The following SMPD4 variants were observed in gnomAD, a reference collection of about 807,000 sequenced individuals.
SMPD4 encodes the protein sphingomyelin phosphodiesterase 4.
In SMPD4, 58 loss-of-function variants were observed where a neutral mutation model predicts 97.8. That is an observed-to-expected ratio of 0.59 (90% CI 0.48 to 0.74). The LOEUF is 0.74. Ranked by LOEUF, SMPD4 falls within the 30% of genes least tolerant of loss-of-function variation. The pLI is 0.00. For missense variants in SMPD4, 853 were observed against 1,080.5 expected (o/e 0.79, Z 2.95); for synonymous variants, 388 against 450.0 (o/e 0.86, Z 1.74).
At chr2:130,155,300 G>A (rs1686667852) in intron 14 of SMPD4, 41 bp from the exon 15 acceptor site, 1 of 1,611,770 alleles carries the variant, frequency 6.2e-7, no homozygotes, top group Admixed American at 1.7e-5. Flanking sequence ...CCTTCCAACT[G>A]GAAGCATGCC....
chr2:130,156,512 T>C (rs1205585777), intron 13 of SMPD4, 73 bp downstream of exon 13: 3 of 1,426,920 alleles, frequency 2.1e-6, no homozygotes, highest in African/African-American at 2.8e-5. Flanking sequence ...TCCTCCTTTA[T>C]CTGCCCCAAA....
chr2:130,172,441 G>A lies in SMPD4; in HGVS notation c.567C>T (p.Asp189=), dbSNP rs757001407. Residue 189 remains aspartate, a synonymous_variant, in exon 8 of 20, where the codon GAC becomes GAT. Transcript: ENST00000680298. ...TGGGCAGGAACCATGACAGGTACCT[G>A]TCCACCAGGATGAAATAGGCACAGT... is the stretch of plus-strand genomic sequence containing the variant. The part of the protein sequence containing the change: ...TSDCAYFILV[D]RYLSWFLPTE... 6.2e-7 allele frequency: 1 copy of A among 1,612,406 alleles called. No homozygotes were observed. The highest frequency in any genetic ancestry group is 8.5e-7 in the Non-Finnish European group (1 of 1,179,252).
intron 10 of SMPD4, 67 bp downstream of exon 10, chr2:130,164,307 C>T: frequency 7.3e-7 from 1 of 1,371,698 alleles, no homozygotes; most frequent in Non-Finnish European, 1.0e-6. Context: ...CACTCAGAGG[C>T]AGGATAAGAA....
intron 9 of SMPD4, among the ~76,000 whole-genome samples, chr2:130,166,590 A>T (rs1345065953): frequency 6.6e-6 from 1 of 152,222 alleles, no homozygotes; most frequent in African/African-American, 2.4e-5. Context: ...GGGAGATAGA[A>T]TCCTATCTTA....
At position 130,161,220 on chromosome 2, in the gene SMPD4, G is replaced by A. The variant is rs533477701; in HGVS notation, c.917C>T (p.Ala306Val). The A allele has an allele frequency of 8.7e-6, 14 of 1,613,902 alleles. No homozygotes were observed. In the South Asian group the frequency reaches 1.4e-4, roughly 16 times the overall value. The change falls in exon 11 of 20, where the codon GCC (alanine) becomes GTC (valine). Residue 306 changes from alanine (A) to valine (V), a missense_variant. Ala to Val is a moderately conservative substitution (Grantham distance 64). Around this residue, in one of 3 missense-constraint regions of SMPD4, gnomAD observed 313 missense variants for 402.2 expected, o/e 0.78. Coordinates refer to ENST00000680298, the MANE Select transcript of SMPD4 (RefSeq NM_017951.5). ...GTGGAGGGCCTGGAGGCTGGGTTGG[G>A]CGGGGCTGTAGAGGGCGCTGGAGAC... ...LSVSSALYSPAQPSLQALHAY... is the reference protein window; with the variant it reads ...LSVSSALYSPVQPSLQALHAY...
At chr2:130,181,651 C>G, upstream of SMPD4, 2 of 1,553,174 alleles carry the variant, frequency 1.3e-6, no homozygotes, top group Non-Finnish European at 1.7e-6. Context: ...AAAGCGCTTC[C>G]ACCTCTTTGG....
intron 11 of SMPD4, among the ~76,000 whole-genome samples, chr2:130,159,834 G>A (rs539653145): frequency 1.6e-4 from 25 of 152,158 alleles, no homozygotes; most frequent in African/African-American, 5.5e-4. Flanking sequence ...CTAAGGGGAG[G>A]GGAAGACCTC....
chr2:130,165,524 A>C (rs1380536253), intron 9 of SMPD4, among the ~76,000 whole-genome samples: 1 of 152,240 alleles, frequency 6.6e-6, no homozygotes, highest in African/African-American at 2.4e-5. Flanking sequence ...AACACTATTC[A>C]GCCCTAAAAA....
rs1284487482 is a variant in SMPD4 at position 130,179,935 on chromosome 2, G to A, written c.-46+1595C>T. 5.9e-5 allele frequency among the ~76,000 whole-genome samples: 9 copies of A among 151,368 alleles called. No individual in the cohort carries two copies. In the East Asian group the frequency reaches 1.8e-3, roughly 29 times the overall value. The stretch of plus-strand genomic sequence containing the variant: ...CCCAAAGTGCAGAGATTACAGACGT[G>A]AGTCACCATGCCCGGCCGCTTTTTC... On this transcript the variant is annotated intron_variant, in intron 1 of 19. Transcript: ENST00000680298.
At position 130,181,544 on chromosome 2, in the gene SMPD4, G is replaced by A. The variant is rs774262499; in HGVS notation, c.-60C>T. 86 of 1,605,472 alleles carry A rather than the reference G, an allele frequency of 5.4e-5. No homozygotes were observed. The highest frequency in any genetic ancestry group is 7.1e-5 in the Non-Finnish European group (84 of 1,177,130). ...GCGCCACTCACCTGTGGGATCCATA[G>A]CGTCGCTCGCCTCAGAGATGGAAGC... is the stretch of plus-strand genomic sequence containing the variant. On this transcript the variant is annotated 5_prime_UTR_variant, in exon 1 of 20. Transcript: ENST00000680298.
In SMPD4 at chr2:130,181,533, TG is replaced by T. The variant is rs1261968392; in HGVS notation, c.-50del. 2 of 1,604,032 alleles carry T rather than the reference TG, an allele frequency of 1.2e-6. No homozygotes were observed. The highest frequency in any genetic ancestry group is 2.7e-5 in the African/African-American group (2 of 74,812). On this transcript the variant is annotated 5_prime_UTR_variant, in exon 1 of 20. An upstream open reading frame in the 5' UTR loses its in-frame stop. Transcript: ENST00000680298. Reference sequence around the variant, plus strand: ...GCGCGCATCCCGCGCCACTCACCTGTGGGATCCATAGCGTCGCTCGCCTCAG... The same window carrying T: ...GCGCGCATCCCGCGCCACTCACCTGTGGATCCATAGCGTCGCTCGCCTCAG...
chr2:130,156,918 C>A (rs201592052), intron 12 of SMPD4: 5 of 1,118,184 alleles, frequency 4.5e-6, no homozygotes, highest in East Asian at 2.6e-5. Flanking sequence ...CCTCACCCTC[C>A]GTCCCATACA....
intron 10 of SMPD4, 27 bp from the exon 11 acceptor site, chr2:130,161,299 G>C (rs1160521864): frequency 5.6e-6 from 9 of 1,601,616 alleles, no homozygotes; most frequent in Non-Finnish European, 7.7e-6. Flanking sequence ...AGAGATGCCG[G>C]AAGAGGCCGA....
At chr2:130,169,514 C>T (rs1051688236) in intron 8 of SMPD4, among the ~76,000 whole-genome samples, 3 of 151,560 alleles carry the variant, frequency 2.0e-5, no homozygotes, top group African/African-American at 7.3e-5. Flanking sequence ...CCAACACATG[C>T]AGCAAAGTAT....
At chr2:130,169,003 G>A (rs1688189476) in intron 8 of SMPD4, among the ~76,000 whole-genome samples, 1 of 152,142 alleles carries the variant, frequency 6.6e-6, no homozygotes, top group African/African-American at 2.4e-5. Flanking sequence ...TTACAGGCAT[G>A]AGCCACCATG....
intron 1 of SMPD4, among the ~76,000 whole-genome samples, chr2:130,180,699 A>C (rs1404123256): frequency 6.6e-6 from 1 of 152,272 alleles, no homozygotes; most frequent in Admixed American, 6.5e-5. Flanking sequence ...CTGTTCGGTA[A>C]GTGCGGAGCT....
chr2:130,154,678 C>T (rs1686588976), intron 15 of SMPD4, 196 bp from the exon 16 acceptor site: 5 of 669,720 alleles, frequency 7.5e-6, no homozygotes, highest in Middle Eastern at 3.8e-4. Flanking sequence ...GCTGCTGGCT[C>T]ACAGAGCCCC....
At chr2:130,154,787 G>C in intron 15 of SMPD4, 1 of 589,116 alleles carries the variant, frequency 1.7e-6, no homozygotes, top group East Asian at 2.9e-5. Context: ...CTCACCTCCT[G>C]AAGCGGCCAA....
At position 130,153,160 on chromosome 2, in the gene SMPD4, C is replaced by G; in HGVS notation, c.2037G>C (p.Gly679=). 1 of 1,613,862 alleles carries G rather than the reference C, an allele frequency of 6.2e-7. No individual in the cohort carries two copies. The highest frequency in any genetic ancestry group is 8.5e-7 in the Non-Finnish European group (1 of 1,180,002). Residue 679 remains glycine (G), a synonymous_variant, in exon 19 of 20, where the codon GGG becomes GGC. Transcript: ENST00000680298. Reference sequence around the variant, plus strand: ...GGTACTCAATTTCAAACCTTCGCAGCCCATTGATGATCTAGAAAGCCAGGC... The same window carrying G: ...GGTACTCAATTTCAAACCTTCGCAGGCCATTGATGATCTAGAAAGCCAGGC... The part of the protein sequence containing the change: ...TPLGRYQIIN[G]LRRFEIEYQG...
Sources: allele counts gnomAD v4.1 joint callset (sites outside exome capture counted in the v4.1 genomes callset), GRCh38; gene constraint gnomAD v4.1.1; regional missense constraint gnomAD v4.1.1; transcripts MANE v1.5; gene names NCBI Gene and HGNC (gene_info 2026-07-23, HGNC 2026-07-21).